The following KLK15 variants were observed in gnomAD, a reference collection of about 807,000 sequenced individuals.
KLK15 encodes kallikrein-15.
In KLK15, 19 loss-of-function variants were observed where a neutral mutation model predicts 21.1. The observed-to-expected ratio is 0.90, with a 90% CI of 0.63 to 1.32. KLK15 has a LOEUF of 1.32. Ranked by LOEUF, KLK15 falls within the 40% of genes most tolerant of loss-of-function variation. KLK15 has a pLI of 0.00. For synonymous variants in KLK15, 141 were observed against 141.5 expected (o/e 1.00, Z 0.03); for missense variants, 345 against 348.6 (o/e 0.99, Z 0.08).
At chr19:50,832,191 G>A (rs2090000150), upstream of KLK15, among the ~76,000 whole-genome samples, 1 of 151,770 alleles carries the variant, frequency 6.6e-6, no homozygotes, top group Non-Finnish European at 1.5e-5. Flanking sequence ...TTGCCCTCCA[G>A]CCATGACCCC....
chr19:50,825,861 G>A, exon 5 of KLK15: 1 of 1,613,930 alleles, frequency 6.2e-7, no homozygotes, highest in Non-Finnish European at 8.5e-7. Flanking sequence ...TAGACACCAG[G>A]CTTGGTGGTG....
chr19:50,830,739 A>G lies in KLK15; in HGVS notation c.43+711T>C, dbSNP rs148964109. Among the ~76,000 whole-genome samples, 906 of 152,338 alleles carry G rather than the reference A, an allele frequency of 5.9e-3. 6 individuals are homozygous for G. The highest frequency in any genetic ancestry group is 0.021 in the African/African-American group (858 of 41,592). ...TCTTGGTGTGTGGCAGCTGAGTTCA[A>G]TCTGGAGTTTGCCTGACACCCAAGG... On this transcript the variant is annotated intron_variant, in intron 1 of 4. Transcript: ENST00000598239.
chr19:50,825,523 C>T (rs1476168455), downstream of KLK15: 1 of 261,408 alleles, frequency 3.8e-6, no homozygotes, highest in African/African-American at 2.2e-5. Flanking sequence ...TGAAAAGGAA[C>T]AGTGTACAGT....
In KLK15 at chr19:50,828,480, A is replaced by C. The variant is rs1378010734; in HGVS notation, c.44-665T>G. ...AGACGTCAAACGCATGTGGCCACTC[A>C]GTATGTGTGACCCAGCCTTGGCCCC... On this transcript the variant is annotated intron_variant, in intron 1 of 4. Coordinates refer to ENST00000598239, the Ensembl canonical transcript of KLK15. 3.3e-5 allele frequency among the ~76,000 whole-genome samples: 5 copies of C among 151,690 alleles called. No individual in the cohort carries two copies. The East Asian group carries it at 9.6e-4, about 29-fold the overall frequency.
At chr19:50,830,565 G>A (rs907594750) in intron 1 of KLK15, 3 of 145,606 alleles carry the variant, frequency 2.1e-5, no homozygotes, top group Non-Finnish European at 3.1e-5. Flanking sequence ...CGCGAGGCAG[G>A]TAGGTGAGTG....
intron 1 of KLK15, 175 bp downstream of exon 2, chr19:50,831,275 G>GCAGCAC (rs1435574708): frequency 2.2e-6 from 1 of 445,272 alleles, no homozygotes; most frequent in African/African-American, 2.0e-5. Flanking sequence ...CTCCAGAGCA[G>GCAGCAC]CAGCACCAGC....
chr19:50,825,876 C>T (rs1372460664), exon 5 of KLK15: 3 of 1,613,942 alleles, frequency 1.9e-6, no homozygotes. Context: ...GTGGTGTTGT[C>T]ACAAGGGACG....
chr19:50,830,848 G>A (rs535628017), intron 1 of KLK15, among the ~76,000 whole-genome samples: 5 of 152,010 alleles, frequency 3.3e-5, no homozygotes, highest in South Asian at 2.1e-4. Context: ...ACACATAGAC[G>A]TTGTATGTAA....
At chr19:50,827,046 T>C (rs1292994074) in exon 3 of KLK15, 1 of 1,606,142 alleles carries the variant, frequency 6.2e-7, no homozygotes, top group Non-Finnish European at 8.5e-7. Flanking sequence ...ATGATGTCGT[T>C]GCGGTGGCTG....
At chr19:50,826,396 T>C (rs1002227163) in intron 4 of KLK15, 74 of 504,646 alleles carry the variant, frequency 1.5e-4, no homozygotes, top group Non-Finnish European at 2.2e-4. Flanking sequence ...CCCCAACCCA[T>C]GCCATCTCAA....
At chr19:50,833,487 C>T (rs1271473011), upstream of KLK15, among the ~76,000 whole-genome samples, 1 of 152,176 alleles carries the variant, frequency 6.6e-6, no homozygotes, top group African/African-American at 2.4e-5. Flanking sequence ...CAGTGAATCT[C>T]CCCTTTGCCC....
In KLK15 at chr19:50,826,768, C is replaced by G. The variant is rs368069744; in HGVS notation, c.482-11G>C. 9.8e-5 allele frequency: 157 copies of G among 1,607,060 alleles called. No homozygotes were observed. Among genetic ancestry groups the G allele is most frequent in the Non-Finnish European group, 1.3e-4 (151 of 1,177,004 alleles). On this transcript the variant is annotated splice_polypyrimidine_tract_variant and intron_variant, in intron 3 of 4. Transcript: ENST00000598239. ...TATCTGGGAGACTCACTGGGGAAGA[C>G]AGTGGACTTGGAGCAGATCCATAAA...
At chr19:50,826,779 G>C (rs762647920) in intron 3 of KLK15, 22 bp from the exon 5 acceptor site, 27 of 1,600,938 alleles carry the variant, frequency 1.7e-5, no homozygotes, top group Non-Finnish European at 2.1e-5. Context: ...AGTGGACTTG[G>C]AGCAGATCCA....
At chr19:50,831,406 G>A in intron 1 of KLK15, 44 bp downstream of exon 2, 3 of 1,353,974 alleles carry the variant, frequency 2.2e-6, no homozygotes, top group East Asian at 3.1e-5. Flanking sequence ...TGGGAAGGGG[G>A]CACCTGCTCC....
chr19:50,825,633 T>C, downstream of KLK15: 1 of 604,112 alleles, frequency 1.7e-6, no homozygotes, highest in South Asian at 3.1e-5. Context: ...CAGGTGACCT[T>C]GAGCGCCAGC....
At chr19:50,827,253 AG>A (rs1413032524) in intron 2 of KLK15, 92 bp from the exon 4 acceptor site, 1 of 1,222,418 alleles carries the variant, frequency 8.2e-7, no homozygotes, top group Non-Finnish European at 1.1e-6. Context: ...GGGCAACCCG[AG>A]GTCTCCCGAC....
exon 1 of KLK15, chr19:50,831,471 A>G: frequency 6.9e-7 from 1 of 1,448,700 alleles, no homozygotes; most frequent in Non-Finnish European, 9.0e-7. Context: ...AGCAGGAAGG[A>G]GAGAGTGAGG....
exon 4 of KLK15, chr19:50,826,725 T>C (rs1599949767): frequency 6.2e-7 from 1 of 1,614,040 alleles, no homozygotes; most frequent in Non-Finnish European, 8.5e-7. Flanking sequence ...ATAATGCTGA[T>C]GTTGGCACAA....
At chr19:50,829,331 G>A (rs2089942214) in intron 1 of KLK15, among the ~76,000 whole-genome samples, 1 of 151,762 alleles carries the variant, frequency 6.6e-6, no homozygotes, top group Non-Finnish European at 1.5e-5. Context: ...GTGCATGTGT[G>A]TATGTATGGT....
Sources: gnomAD v4.1 joint callset for allele counts (sites outside exome capture counted in the v4.1 genomes callset) on GRCh38, gnomAD v4.1.1 for gene constraint, MANE v1.5 for transcripts, NCBI Gene and HGNC (gene_info 2026-07-23, HGNC 2026-07-21) for gene names.